The following ZMYM4 variants were observed in gnomAD, a reference collection of about 807,000 sequenced individuals.
ZMYM4 encodes zinc finger MYM-type protein 4.
A neutral mutation model predicts 183.2 loss-of-function variants in ZMYM4; 31 were observed. The ratio of observed to expected loss-of-function variants is 0.17; its 90% CI spans 0.13 to 0.23. The LOEUF is 0.23. ZMYM4 is among the 10% of genes least tolerant of loss of function. ZMYM4 has a pLI of 1.00. For synonymous variants in ZMYM4, 592 were observed against 631.2 expected, an observed-to-expected ratio of 0.94 and a Z score of 0.93; for missense variants, 1,273 against 1,840.3, an observed-to-expected ratio of 0.69 and a Z score of 5.64.
chr1:35,295,174 A>G (rs965904106), intron 1 of ZMYM4, among the ~76,000 whole-genome samples: 1 of 152,232 alleles, frequency 6.6e-6, no homozygotes, highest in Admixed American at 6.5e-5. Context: ...AAACATTTCT[A>G]TAGAGGAAGA....
chr1:35,285,532 A>G (rs1450112344), intron 1 of ZMYM4, among the ~76,000 whole-genome samples: 1 of 152,218 alleles, frequency 6.6e-6, no homozygotes, highest in Non-Finnish European at 1.5e-5. Flanking sequence ...TTTGGAAAAA[A>G]AAATAAAAGG....
At chr1:35,270,854 C>T (rs764009640) in intron 1 of ZMYM4, among the ~76,000 whole-genome samples, 2 of 152,080 alleles carry the variant, frequency 1.3e-5, no homozygotes, top group Non-Finnish European at 2.9e-5. Flanking sequence ...TTCTGTTCAT[C>T]AGTCGTGTTA....
At chr1:35,344,389 T>C (rs1263251513) in intron 2 of ZMYM4, among the ~76,000 whole-genome samples, 7 of 152,034 alleles carry the variant, frequency 4.6e-5, no homozygotes, top group African/African-American at 1.7e-4. Context: ...GTAGAAGTGG[T>C]GAGAGGAGAG....
intron 2 of ZMYM4, among the ~76,000 whole-genome samples, chr1:35,340,343 T>C (rs1319821493): frequency 6.6e-6 from 1 of 152,172 alleles, no homozygotes. Flanking sequence ...AGCTTTTCCA[T>C]GGACCCAGGC....
chr1:35,381,118 A>G, intron 7 of ZMYM4, 141 bp from the exon 8 acceptor site: 1 of 659,538 alleles, frequency 1.5e-6, no homozygotes, highest in South Asian at 3.7e-5. Context: ...GTCTCCCAGA[A>G]AATTAAAGTT....
intron 3 of ZMYM4, 22 bp from the exon 4 acceptor site, chr1:35,361,172 G>T (rs201205324): frequency 7.9e-6 from 11 of 1,395,706 alleles, no homozygotes; most frequent in African/African-American, 4.5e-5. Context: ...GTGTTTGTTT[G>T]TTTTTTTTTT....
At chr1:35,362,760 T>G (rs762168878) in intron 5 of ZMYM4, among the ~76,000 whole-genome samples, 42 of 152,076 alleles carry the variant, frequency 2.8e-4, no homozygotes, top group Non-Finnish European at 5.3e-4. Context: ...TGGAATGCAG[T>G]GGTGCAATCA....
intron 1 of ZMYM4, among the ~76,000 whole-genome samples, chr1:35,304,082 T>C (rs1641414361): frequency 6.6e-6 from 1 of 151,984 alleles, no homozygotes; most frequent in African/African-American, 2.4e-5. Flanking sequence ...TGGAGTGCAA[T>C]GCCATGATCT....
chr1:35,316,800 G>A (rs1642064049), intron 1 of ZMYM4, among the ~76,000 whole-genome samples: 1 of 152,202 alleles, frequency 6.6e-6, no homozygotes, highest in Non-Finnish European at 1.5e-5. Flanking sequence ...TAGGACAAGA[G>A]CTAGGCCTGC....
chr1:35,322,418 TA>T (rs200061852), intron 1 of ZMYM4, among the ~76,000 whole-genome samples: 1,745 of 152,238 alleles, frequency 0.011, 45 homozygotes, highest in African/African-American at 0.04. Flanking sequence ...CTAGGGCTTT[TA>T]TTTTTTTTTC....
chr1:35,350,306 T>G (rs2148882251), intron 2 of ZMYM4, among the ~76,000 whole-genome samples: 1 of 152,020 alleles, frequency 6.6e-6, no homozygotes, highest in African/African-American at 2.4e-5. Context: ...TTTTTTTTTT[T>G]GAGACAGAGT....
At chr1:35,280,169 T>C (rs553122258) in intron 1 of ZMYM4, among the ~76,000 whole-genome samples, 1 of 149,562 alleles carries the variant, frequency 6.7e-6, no homozygotes, top group African/African-American at 2.5e-5. Flanking sequence ...CCTCCCTTCC[T>C]CCCTTCCCCC....
In ZMYM4 at chr1:35,412,998, A is replaced by G. The variant is rs1055873336; in HGVS notation, c.3949-974A>G. Among the ~76,000 whole-genome samples, 8 of 152,016 alleles carry G rather than the reference A, an allele frequency of 5.3e-5. 1 individual carries two copies. Among genetic ancestry groups the G allele is most frequent in the African/African-American group, 1.9e-4 (8 of 41,328 alleles). Reference sequence around the variant, plus strand: ...ACATGCTGCCTTGGATTCCGTTACTACTCATGGTGTGTCCCTGTCTCAATT... The same window carrying G: ...ACATGCTGCCTTGGATTCCGTTACTGCTCATGGTGTGTCCCTGTCTCAATT... On this transcript the variant is annotated intron_variant, in intron 26 of 29. Transcript: ENST00000314607.
intron 2 of ZMYM4, among the ~76,000 whole-genome samples, chr1:35,344,215 G>C (rs1194711519): frequency 6.6e-6 from 1 of 151,838 alleles, no homozygotes; most frequent in Non-Finnish European, 1.5e-5. Flanking sequence ...CACCATGCCT[G>C]ACTGATTTTT....
At chr1:35,302,631 C>G (rs947817480) in intron 1 of ZMYM4, among the ~76,000 whole-genome samples, 1 of 151,924 alleles carries the variant, frequency 6.6e-6, no homozygotes, top group African/African-American at 2.4e-5. Context: ...ATGATCCGCC[C>G]TCCTCGGCCT....
chr1:35,298,037 G>C (rs1377855140), intron 1 of ZMYM4, among the ~76,000 whole-genome samples: 1 of 152,228 alleles, frequency 6.6e-6, no homozygotes, highest in Non-Finnish European at 1.5e-5. Flanking sequence ...CTGCCTCTAG[G>C]TCTGAGGCAA....
chr1:35,397,686 C>T, intron 20 of ZMYM4, 141 bp downstream of exon 20: 3 of 579,238 alleles, frequency 5.2e-6, no homozygotes, highest in Non-Finnish European at 5.3e-6. Context: ...GTTGATTACA[C>T]TTTTTAGTGC....
At chr1:35,281,890 C>T (rs555274050) in intron 1 of ZMYM4, among the ~76,000 whole-genome samples, 17 of 152,226 alleles carry the variant, frequency 1.1e-4, no homozygotes, top group Admixed American at 2.0e-4. Flanking sequence ...CTAGATATTT[C>T]ATGTAAGTGG....
chr1:35,405,712 T>C (rs1421722988), intron 25 of ZMYM4, among the ~76,000 whole-genome samples: 4 of 152,054 alleles, frequency 2.6e-5, no homozygotes, highest in Non-Finnish European at 5.9e-5. Flanking sequence ...CCTCAAAATA[T>C]GTCTTCTTGA....
Sources: allele counts gnomAD v4.1 joint callset (sites outside exome capture counted in the v4.1 genomes callset), GRCh38; gene constraint gnomAD v4.1.1; transcripts MANE v1.5; gene names NCBI Gene and HGNC (gene_info 2026-07-23, HGNC 2026-07-21).